Variants in TBC1D8 observed in about 807,000 individuals in gnomAD.
TBC1D8 encodes the protein TBC1 domain family member 8, also known as BUB2-like protein 1.
In TBC1D8, 65 loss-of-function variants were observed where a neutral mutation model predicts 118.8. The ratio of observed to expected loss-of-function variants is 0.55; its 90% confidence interval spans 0.45 to 0.67. The LOEUF (loss-of-function observed/expected upper bound fraction) is 0.67, where lower values mean the gene tolerates loss of function less well. TBC1D8 is among the 30% of genes least tolerant of loss of function. The probability of loss-of-function intolerance (pLI) is 0.00; values close to 1 mark genes in which losing one functional copy is unlikely to be tolerated. For missense variants in TBC1D8, 1,376 were observed against 1,471.2 expected (o/e 0.94, Z 1.06); for synonymous variants, 566 against 595.8 (o/e 0.95, Z 0.73).
chr2:101,093,138 C>A (rs772702676), intron 1 of TBC1D8, among the ~76,000 whole-genome samples: 15 of 152,136 alleles, frequency 9.9e-5, no homozygotes, highest in Non-Finnish European at 1.8e-4. Flanking sequence ...TCTCTACTTT[C>A]TTTATTGTAA....
intron 2 of TBC1D8, among the ~76,000 whole-genome samples, chr2:101,086,913 A>G (rs1675670037): frequency 1.3e-5 from 2 of 151,730 alleles, no homozygotes; most frequent in Non-Finnish European, 2.9e-5. Flanking sequence ...CTTCCTGAGT[A>G]GCTGAGATTA....
chr2:101,109,680 G>A (rs550803179), intron 1 of TBC1D8, among the ~76,000 whole-genome samples: 49 of 152,212 alleles, frequency 3.2e-4, no homozygotes, highest in South Asian at 6.2e-4. Context: ...CCACCTTTCC[G>A]CAGATGGGAT....
chr2:101,010,162 G>T (rs17025181), intron 19 of TBC1D8, among the ~76,000 whole-genome samples: 3,289 of 152,156 alleles, frequency 0.022, 123 homozygotes, highest in African/African-American at 0.076. Context: ...ACATTGGGAG[G>T]AACCATTTTC....
At chr2:101,122,217 G>A (rs1337678232) in intron 1 of TBC1D8, among the ~76,000 whole-genome samples, 1 of 150,670 alleles carries the variant, frequency 6.6e-6, no homozygotes, top group African/African-American at 2.4e-5. Flanking sequence ...GACTACAGGT[G>A]TGCGCCACCA....
At chr2:101,068,019 A>G (rs971494496) in intron 2 of TBC1D8, among the ~76,000 whole-genome samples, 1 of 151,912 alleles carries the variant, frequency 6.6e-6, no homozygotes, top group East Asian at 1.9e-4. Context: ...GTAAGAAGCA[A>G]CTCCTCATTC....
At chr2:101,078,753 C>CAAA in intron 2 of TBC1D8, among the ~76,000 whole-genome samples, 4 of 108,118 alleles carry the variant, frequency 3.7e-5, no homozygotes, top group African/African-American at 1.5e-4. Context: ...CCTTTCTTAG[C>CAAA]AAAAAAAAAA....
intron 1 of TBC1D8, among the ~76,000 whole-genome samples, chr2:101,097,354 C>T (rs550909598): frequency 5.0e-4 from 76 of 151,674 alleles, no homozygotes; most frequent in African/African-American, 1.5e-3. Context: ...GGTCAGCAAC[C>T]GAAATTTATA....
intron 17 of TBC1D8, among the ~76,000 whole-genome samples, chr2:101,012,442 A>G (rs932067488): frequency 6.6e-6 from 1 of 152,252 alleles, no homozygotes; most frequent in African/African-American, 2.4e-5. Context: ...GAAGTCGAAC[A>G]TGATACAGCA....
At chr2:101,013,508 T>A (rs1453880668) in intron 17 of TBC1D8, among the ~76,000 whole-genome samples, 1 of 152,218 alleles carries the variant, frequency 6.6e-6, no homozygotes, top group Non-Finnish European at 1.5e-5. Flanking sequence ...ACTACCCAAG[T>A]TAAAATAAGA....
At chr2:101,135,188 A>G (rs938844067) in intron 1 of TBC1D8, among the ~76,000 whole-genome samples, 1 of 152,224 alleles carries the variant, frequency 6.6e-6, no homozygotes, top group Non-Finnish European at 1.5e-5. Flanking sequence ...AGAAAAAAGA[A>G]ACAAGAAAAA....
chr2:101,071,556 T>C (rs1003837581), intron 2 of TBC1D8, among the ~76,000 whole-genome samples: 3 of 152,186 alleles, frequency 2.0e-5, no homozygotes, highest in African/African-American at 7.2e-5. Context: ...TAACCATTAT[T>C]TGATAATAGA....
intron 1 of TBC1D8, among the ~76,000 whole-genome samples, chr2:101,135,803 G>C (rs1325294676): frequency 1.3e-5 from 2 of 152,174 alleles, no homozygotes; most frequent in Admixed American, 1.3e-4. Flanking sequence ...CTCAAGCAAT[G>C]TTTGTTCTTC....
intron 5 of TBC1D8, among the ~76,000 whole-genome samples, chr2:101,047,702 G>T (rs1681798906): frequency 6.6e-6 from 1 of 152,178 alleles, no homozygotes; most frequent in South Asian, 2.1e-4. Flanking sequence ...CCACGCACCT[G>T]CAGGCACCCT....
intron 1 of TBC1D8, among the ~76,000 whole-genome samples, chr2:101,116,953 T>G (rs1677848101): frequency 6.6e-6 from 1 of 151,960 alleles, no homozygotes; most frequent in Non-Finnish European, 1.5e-5. Context: ...GAAGTGAAAT[T>G]TAATGTTATT....
At chr2:101,092,406 G>A (rs1375727899) in intron 1 of TBC1D8, among the ~76,000 whole-genome samples, 3 of 152,138 alleles carry the variant, frequency 2.0e-5, no homozygotes, top group East Asian at 3.8e-4. Flanking sequence ...TCAAATTGGG[G>A]CTGCCAGGCT....
At chr2:101,095,378 T>G (rs1392621542) in intron 1 of TBC1D8, among the ~76,000 whole-genome samples, 1 of 149,880 alleles carries the variant, frequency 6.7e-6, no homozygotes, top group East Asian at 2.0e-4. Context: ...ATTAGGTATA[T>G]CTCCTAATGC....
At chr2:101,114,002 G>A (rs1424726614) in intron 1 of TBC1D8, among the ~76,000 whole-genome samples, 1 of 152,146 alleles carries the variant, frequency 6.6e-6, no homozygotes, top group Non-Finnish European at 1.5e-5. Flanking sequence ...CACCCACTAC[G>A]TGCTCAGGAC....
intron 1 of TBC1D8, among the ~76,000 whole-genome samples, chr2:101,148,544 G>T (rs1040010971): frequency 6.6e-6 from 1 of 152,206 alleles, no homozygotes; most frequent in African/African-American, 2.4e-5. Flanking sequence ...GCATGTATAT[G>T]CATGTATGTA....
intron 2 of TBC1D8, among the ~76,000 whole-genome samples, chr2:101,077,737 T>C (rs1369070567): frequency 6.6e-6 from 1 of 151,998 alleles, no homozygotes; most frequent in African/African-American, 2.4e-5. Flanking sequence ...GGAACACAGA[T>C]CCAAACCATA....
Sources: allele counts gnomAD v4.1 joint callset (sites outside exome capture counted in the v4.1 genomes callset), GRCh38; gene constraint gnomAD v4.1.1; transcripts MANE v1.5; gene names NCBI Gene and HGNC (gene_info 2026-07-23, HGNC 2026-07-21).